The following PDE8B variants were observed in gnomAD, a reference collection of about 807,000 sequenced individuals.
PDE8B encodes the protein high affinity cAMP-specific and IBMX-insensitive 3',5'-cyclic phosphodiesterase 8B.
PDE8B carries 26 observed loss-of-function variants against 101.3 expected under a neutral mutation model. The observed-to-expected ratio is 0.26, with a 90% CI of 0.19 to 0.36. The LOEUF (loss-of-function observed/expected upper bound fraction) is 0.36, where lower values mean the gene tolerates loss of function less well. Ranked by LOEUF, PDE8B falls within the 10% of genes least tolerant of loss-of-function variation. The pLI, the probability that PDE8B is intolerant of heterozygous loss-of-function variation, is 1.00. For missense variants in PDE8B, 810 were observed against 1,163.1 expected, an observed-to-expected ratio of 0.70 and a Z score of 4.42; for synonymous variants, 424 against 429.3, an observed-to-expected ratio of 0.99 and a Z score of 0.15.
At chr5:77,169,735 T>TACCTCCAGTTTGTCTTAGACAC in the PDE8B span, among the ~76,000 whole-genome samples, 1 of 152,134 alleles carries the variant, frequency 6.6e-6, no homozygotes, top group East Asian at 1.9e-4. Context: ...CCAACGAAGC[T>TACCTCCAGTTTGTCTTAGACAC]ACCTCCAGTT....
chr5:77,247,730 C>G (rs1757258130), intron 1 of PDE8B, among the ~76,000 whole-genome samples: 1 of 152,096 alleles, frequency 6.6e-6, no homozygotes, highest in African/African-American at 2.4e-5. Flanking sequence ...TAAATGTGTT[C>G]CTTCCCCCTC....
intron 1 of PDE8B, among the ~76,000 whole-genome samples, chr5:77,257,071 TAAACTAACATAGAAG>T (rs1365840341): frequency 6.6e-6 from 1 of 152,124 alleles, no homozygotes; most frequent in Non-Finnish European, 1.5e-5. Flanking sequence ...ATATATCTAA[TAAACTAACATAGAAG>T]ATAAGATATA....
At chr5:77,318,572 T>C (rs1044328205) in intron 2 of PDE8B, among the ~76,000 whole-genome samples, 36 of 152,190 alleles carry the variant, frequency 2.4e-4, no homozygotes, top group Non-Finnish European at 1.8e-4. Context: ...TAACGGGTTA[T>C]TGAGTGAGAC....
At chr5:77,381,941 T>C (rs7713259) in intron 10 of PDE8B, among the ~76,000 whole-genome samples, 13,382 of 152,236 alleles carry the variant, frequency 0.088, 1,022 homozygotes, top group African/African-American at 0.19. Context: ...CCCAGGCTCA[T>C]AGTAGGGTGT....
At chr5:77,193,473 T>C in the PDE8B span, among the ~76,000 whole-genome samples, 62 of 152,302 alleles carry the variant, frequency 4.1e-4, no homozygotes, top group South Asian at 2.1e-3. Flanking sequence ...TTACTGAAAA[T>C]TAATTGACCC....
At position 77,342,209 on chromosome 5, in the gene PDE8B, A is replaced by G. The variant is rs4704411; in HGVS notation, c.798-2644A>G. Among the ~76,000 whole-genome samples, 424 of 152,346 alleles carry G rather than the reference A, an allele frequency of 2.8e-3. 15 individuals carry two copies. In the East Asian group the frequency reaches 0.068, roughly 24 times the overall value. On this transcript the variant is annotated intron_variant, in intron 6 of 21. Transcript: ENST00000264917. Reference sequence around the variant, plus strand: ...AAGAAGTATTACTCTGTGATCTTAAACATAACAACAGGTATCTACATGTGT... The same window carrying G: ...AAGAAGTATTACTCTGTGATCTTAAGCATAACAACAGGTATCTACATGTGT...
the PDE8B span, chr5:77,086,865 G>A: frequency 6.6e-6 from 1 of 152,364 alleles, no homozygotes; most frequent in African/African-American, 2.4e-5. Context: ...TGTCGAAAGA[G>A]GAGTGCAGGG....
At chr5:77,366,697 A>G (rs745719987) in intron 10 of PDE8B, among the ~76,000 whole-genome samples, 1 of 152,104 alleles carries the variant, frequency 6.6e-6, no homozygotes, top group African/African-American at 2.4e-5. Flanking sequence ...GGGCCTATGT[A>G]TGTTCTTTCA....
chr5:77,398,009 T>A (rs1791434503), intron 10 of PDE8B, among the ~76,000 whole-genome samples: 1 of 152,112 alleles, frequency 6.6e-6, no homozygotes, highest in African/African-American at 2.4e-5. Context: ...ACCCTTGGGT[T>A]TCATGAGGAA....
chr5:77,393,551 A>G (rs1196427463), intron 10 of PDE8B, among the ~76,000 whole-genome samples: 1 of 152,190 alleles, frequency 6.6e-6, no homozygotes, highest in Non-Finnish European at 1.5e-5. Flanking sequence ...TTACAGGACC[A>G]ATTTATTTGC....
chr5:77,294,470 A>G (rs1768067234), intron 1 of PDE8B, among the ~76,000 whole-genome samples: 1 of 152,214 alleles, frequency 6.6e-6, no homozygotes, highest in Non-Finnish European at 1.5e-5. Flanking sequence ...CAAATGAGAA[A>G]AGTATGCCCA....
chr5:77,305,288 C>T (rs970133631), intron 1 of PDE8B, among the ~76,000 whole-genome samples: 3 of 152,124 alleles, frequency 2.0e-5, no homozygotes, highest in Non-Finnish European at 4.4e-5. Context: ...AACTTCTAGA[C>T]CAGAGGATTG....
intron 1 of PDE8B, among the ~76,000 whole-genome samples, chr5:77,268,759 C>T (rs928827461): frequency 1.3e-5 from 2 of 151,474 alleles, no homozygotes; most frequent in Admixed American, 6.6e-5. Context: ...TATCCATCAA[C>T]AGATGATTGG....
intron 1 of PDE8B, among the ~76,000 whole-genome samples, chr5:77,266,426 G>A (rs1176356160): frequency 6.6e-6 from 1 of 152,186 alleles, no homozygotes; most frequent in Admixed American, 6.5e-5. Context: ...CCCAGCCATA[G>A]TGCTGAAGCG....
At chr5:77,282,126 C>T (rs941240163) in intron 1 of PDE8B, among the ~76,000 whole-genome samples, 4 of 152,102 alleles carry the variant, frequency 2.6e-5, no homozygotes, top group South Asian at 2.1e-4. Flanking sequence ...CTAACTGCCC[C>T]GTGGACAGAG....
In PDE8B at chr5:77,349,441, G is replaced by A. The variant is rs780934101; in HGVS notation, c.899G>A (p.Arg300Lys). 1 of 1,614,152 alleles carries A rather than the reference G, an allele frequency of 6.2e-7. No homozygotes were observed. Among genetic ancestry groups the A allele is most frequent in the Non-Finnish European group, 8.5e-7 (1 of 1,180,032 alleles). The change falls in exon 8 of 22, where the codon AGG (arginine) becomes AAG (lysine). Residue 300 changes from arginine (R) to lysine (K), a missense_variant. Physicochemically the swap from Arg to Lys is conservative, Grantham distance 26. Transcript: ENST00000264917. Reference sequence around the variant, plus strand: ...CAGTATGTCAACCCAGCCTTCGAAAGGATGATGGGCTACCACAAAGGTGAG... The same window carrying A: ...CAGTATGTCAACCCAGCCTTCGAAAAGATGATGGGCTACCACAAAGGTGAG... Reference protein sequence around the residue: ...VIQYVNPAFERMMGYHKGELL... With the variant: ...VIQYVNPAFEKMMGYHKGELL...
the PDE8B span, among the ~76,000 whole-genome samples, chr5:77,161,446 A>T: frequency 6.6e-6 from 1 of 152,116 alleles, no homozygotes; most frequent in Admixed American, 6.5e-5. Context: ...TAATTTGATT[A>T]TCCATTCACC....
chr5:77,168,716 T>C, the PDE8B span, among the ~76,000 whole-genome samples: 1 of 152,180 alleles, frequency 6.6e-6, no homozygotes, highest in Non-Finnish European at 1.5e-5. Flanking sequence ...GCCAGACCAG[T>C]GGCCTCAGCT....
chr5:77,294,862 AT>A (rs1167985558), intron 1 of PDE8B, among the ~76,000 whole-genome samples: 1 of 148,266 alleles, frequency 6.7e-6, no homozygotes, highest in Non-Finnish European at 1.5e-5. Flanking sequence ...TAATATATAT[AT>A]GATATATATA....
Sources: allele counts gnomAD v4.1 joint callset (sites outside exome capture counted in the v4.1 genomes callset), GRCh38; gene constraint gnomAD v4.1.1; transcripts MANE v1.5; gene names NCBI Gene and HGNC (gene_info 2026-07-23, HGNC 2026-07-21).